ZFAND3: variants seen among roughly 807,000 people sequenced by gnomAD.
ZFAND3 encodes AN1-type zinc finger protein 3.
ZFAND3 carries 10 observed loss-of-function variants against 29.6 expected under a neutral mutation model. That is an observed-to-expected ratio of 0.34 (90% confidence interval 0.21 to 0.57). The LOEUF is 0.57. ZFAND3 is among the 20% of genes least tolerant of loss of function. ZFAND3 has a pLI of 0.86. For synonymous variants in ZFAND3, 128 were observed against 112.6 expected (o/e 1.14, Z -0.87); for missense variants, 230 against 304.5 (o/e 0.76, Z 1.82).
chr6:38,041,013 T>G (rs928761688), intron 2 of ZFAND3, among the ~76,000 whole-genome samples: 1 of 152,216 alleles, frequency 6.6e-6, no homozygotes, highest in Non-Finnish European at 1.5e-5. Flanking sequence ...TTTAGTTATG[T>G]CTCCTTAGTC....
intron 1 of ZFAND3, among the ~76,000 whole-genome samples, chr6:37,867,958 CTTTT>C (rs1561916298): frequency 6.6e-6 from 1 of 151,932 alleles, no homozygotes; most frequent in Admixed American, 6.5e-5. Context: ...CTCCTTTTTT[CTTTT>C]TGTTTCACAT....
rs60444966 is a variant in ZFAND3, at chr6:38,135,181, C to T, written c.530-17054C>T. Among the ~76,000 whole-genome samples the T allele has an allele frequency of 1.5e-3, 224 of 152,236 alleles. 1 individual carries two copies. The highest frequency in any genetic ancestry group is 4.4e-3 in the African/African-American group (182 of 41,528). ...AAGCCCTGGATAAGTTGGGAATAAG[C>T]GCTGAGAGGTGACACTCTTAACTGT... On this transcript the variant is annotated intron_variant, in intron 5 of 5. Coordinates refer to ENST00000287218, the MANE Select transcript of ZFAND3 (RefSeq NM_021943.3).
At chr6:38,001,709 G>A (rs1762951190) in intron 2 of ZFAND3, among the ~76,000 whole-genome samples, 1 of 152,084 alleles carries the variant, frequency 6.6e-6, no homozygotes, top group African/African-American at 2.4e-5. Context: ...GAGATGTCTG[G>A]TTTATTCAGC....
chr6:38,071,705 A>T (rs973558943), intron 3 of ZFAND3, among the ~76,000 whole-genome samples: 1 of 152,106 alleles, frequency 6.6e-6, no homozygotes, highest in African/African-American at 2.4e-5. Flanking sequence ...TATTTATTCA[A>T]ACCTTCTTCT....
chr6:38,038,617 C>A (rs1763704019), intron 2 of ZFAND3, among the ~76,000 whole-genome samples: 1 of 151,922 alleles, frequency 6.6e-6, no homozygotes, highest in Admixed American at 6.6e-5. Flanking sequence ...AAGTCGTTTC[C>A]CCCCCGCTTT....
At chr6:38,019,985 G>T (rs1303723781) in intron 2 of ZFAND3, among the ~76,000 whole-genome samples, 2 of 152,196 alleles carry the variant, frequency 1.3e-5, no homozygotes, top group African/African-American at 4.8e-5. Context: ...CTTCCAAAGT[G>T]CTGGGATTAC....
At chr6:38,092,464 A>G (rs1045123464) in intron 4 of ZFAND3, among the ~76,000 whole-genome samples, 2 of 152,256 alleles carry the variant, frequency 1.3e-5, no homozygotes, top group Non-Finnish European at 2.9e-5. Context: ...GAACAGGAAG[A>G]TAGATTATGC....
chr6:38,151,105 G>T (rs1178401374), intron 5 of ZFAND3, among the ~76,000 whole-genome samples: 1 of 152,172 alleles, frequency 6.6e-6, no homozygotes, highest in African/African-American at 2.4e-5. Flanking sequence ...CGTATCGGCC[G>T]CTCTAGAGAT....
intron 4 of ZFAND3, among the ~76,000 whole-genome samples, chr6:38,097,708 A>C (rs1278705483): frequency 6.6e-6 from 1 of 152,206 alleles, no homozygotes; most frequent in Non-Finnish European, 1.5e-5. Flanking sequence ...TGCCTAGTAA[A>C]TGCTCAGTAG....
intron 2 of ZFAND3, among the ~76,000 whole-genome samples, chr6:37,996,136 A>C (rs913615647): frequency 6.6e-6 from 1 of 152,166 alleles, no homozygotes; most frequent in Admixed American, 6.5e-5. Context: ...TTTCAAAAAA[A>C]AAAAAAGAGA....
chr6:38,117,604 C>T (rs1562005788), intron 5 of ZFAND3, among the ~76,000 whole-genome samples: 1 of 152,160 alleles, frequency 6.6e-6, no homozygotes, highest in Non-Finnish European at 1.5e-5. Flanking sequence ...TGTTTGAGGA[C>T]CAGTTCAGCT....
In ZFAND3 at chr6:38,002,508, G is replaced by A. The variant is rs145070926; in HGVS notation, c.113-59085G>A. Among the ~76,000 whole-genome samples, 35 of 151,818 alleles carry A rather than the reference G, an allele frequency of 2.3e-4. No homozygotes were observed. In the East Asian group the frequency reaches 6.6e-3, roughly 29 times the overall value. ...AGGCTAGGCAATATGGTGAAATCCC[G>A]TCTCTACAAAAAATCCAAAAATTAG... On this transcript the variant is annotated intron_variant, in intron 2 of 5. Transcript: ENST00000287218.
At chr6:38,147,102 T>TA (rs1766127132) in intron 5 of ZFAND3, among the ~76,000 whole-genome samples, 2 of 152,218 alleles carry the variant, frequency 1.3e-5, no homozygotes. Context: ...CCTTCTATCT[T>TA]ACTATGTGTT....
At chr6:38,029,508 A>C (rs906825174) in intron 2 of ZFAND3, among the ~76,000 whole-genome samples, 31 of 152,230 alleles carry the variant, frequency 2.0e-4, no homozygotes, top group Admixed American at 7.2e-4. Context: ...CTCTAACACC[A>C]GTGAAACAGC....
At chr6:37,834,700 A>G (rs974391427) in intron 1 of ZFAND3, among the ~76,000 whole-genome samples, 1 of 151,786 alleles carries the variant, frequency 6.6e-6, no homozygotes, top group Non-Finnish European at 1.5e-5. Flanking sequence ...ATATGCATAT[A>G]TCATTATGTA....
At chr6:38,058,082 G>A (rs1465121808) in intron 2 of ZFAND3, among the ~76,000 whole-genome samples, 3 of 152,206 alleles carry the variant, frequency 2.0e-5, no homozygotes, top group Non-Finnish European at 4.4e-5. Flanking sequence ...AAGTACCTGA[G>A]CATCAAAGTA....
chr6:37,964,117 A>G (rs1336607164), intron 2 of ZFAND3, among the ~76,000 whole-genome samples: 2 of 152,088 alleles, frequency 1.3e-5, no homozygotes, highest in Non-Finnish European at 1.5e-5. Flanking sequence ...CTCCTGCAAA[A>G]TAAAACAAAT....
chr6:38,082,784 G>C (rs1350232914), intron 4 of ZFAND3, among the ~76,000 whole-genome samples: 1 of 152,178 alleles, frequency 6.6e-6, no homozygotes, highest in South Asian at 2.1e-4. Flanking sequence ...TGAGGGCCAA[G>C]ATTGAAATTT....
intron 3 of ZFAND3, among the ~76,000 whole-genome samples, chr6:38,075,370 G>A (rs1343282573): frequency 2.0e-5 from 3 of 152,168 alleles, no homozygotes; most frequent in Non-Finnish European, 4.4e-5. Context: ...ATGATTTTGA[G>A]GGGTTCAAGA....
Sources: gnomAD v4.1 joint callset for allele counts (sites outside exome capture counted in the v4.1 genomes callset) on GRCh38, gnomAD v4.1.1 for gene constraint, MANE v1.5 for transcripts, NCBI Gene and HGNC (gene_info 2026-07-23, HGNC 2026-07-21) for gene names.